Variants in PRELID2 observed in about 807,000 individuals in gnomAD.
PRELID2 encodes PRELI domain-containing protein 2.
In PRELID2, 25 loss-of-function variants were observed where a neutral mutation model predicts 28.4. That is an observed-to-expected ratio of 0.88 (90% CI 0.64 to 1.23). The LOEUF is 1.23. Ranked by LOEUF, PRELID2 falls within the 50% of genes most tolerant of loss-of-function variation. The pLI is 0.00. For synonymous variants in PRELID2, 76 were observed against 71.6 expected (o/e 1.06, Z -0.31); for missense variants, 201 against 214.4 (o/e 0.94, Z 0.39).
intron 1 of PRELID2, among the ~76,000 whole-genome samples, chr5:145,681,213 G>A (rs1259072959): frequency 1.3e-5 from 2 of 152,268 alleles, no homozygotes; most frequent in South Asian, 2.1e-4. Flanking sequence ...AGGCACGAGC[G>A]AAAATGGAAA....
At chr5:145,819,793 G>A (rs1276869060) in intron 3 of PRELID2, 152 bp downstream of exon 3, 9 of 644,088 alleles carry the variant, frequency 1.4e-5, no homozygotes, top group African/African-American at 9.3e-5. Context: ...AGTGAGGTTG[G>A]ATAAGAAAGA....
chr5:145,252,178 A>T, the PRELID2 span, among the ~76,000 whole-genome samples: 4 of 152,112 alleles, frequency 2.6e-5, no homozygotes, highest in Non-Finnish European at 5.9e-5. Flanking sequence ...ATCCTGAATC[A>T]ACCTCTCTAG....
chr5:145,803,004 A>T (rs1188129252), intron 4 of PRELID2, among the ~76,000 whole-genome samples: 1 of 152,142 alleles, frequency 6.6e-6, no homozygotes, highest in Non-Finnish European at 1.5e-5. Flanking sequence ...GGTATGGCAA[A>T]TCTTGCCTAA....
At chr5:145,230,512 G>A in the PRELID2 span, among the ~76,000 whole-genome samples, 16 of 152,172 alleles carry the variant, frequency 1.1e-4, no homozygotes, top group East Asian at 3.1e-3. Flanking sequence ...CTGGGAGGTG[G>A]AGGTTGCAGT....
the PRELID2 span, among the ~76,000 whole-genome samples, chr5:145,374,521 T>C: frequency 2.0e-5 from 3 of 152,274 alleles, 1 homozygote; most frequent in Admixed American, 2.0e-4. Context: ...ATTTTCAGGT[T>C]GGCTTGTCTT....
chr5:145,242,779 A>G, the PRELID2 span, among the ~76,000 whole-genome samples: 2 of 152,058 alleles, frequency 1.3e-5, no homozygotes, highest in Non-Finnish European at 1.5e-5. Flanking sequence ...CAGAAATGTA[A>G]AATGTTTATC....
the PRELID2 span, among the ~76,000 whole-genome samples, chr5:145,401,083 C>T: frequency 3.3e-5 from 5 of 152,096 alleles, 1 homozygote; most frequent in Admixed American, 2.6e-4. Context: ...CATCCCCAGA[C>T]AGAAGCCCTA....
At chr5:145,499,887 A>C (rs903149725) in intron 1 of PRELID2, among the ~76,000 whole-genome samples, 2 of 152,222 alleles carry the variant, frequency 1.3e-5, no homozygotes, top group Admixed American at 6.5e-5. Flanking sequence ...TTACTCCACA[A>C]ACAAATGTGA....
chr5:145,328,651 G>A, the PRELID2 span, among the ~76,000 whole-genome samples: 44 of 150,322 alleles, frequency 2.9e-4, 1 homozygote, highest in Middle Eastern at 3.4e-3. Flanking sequence ...GTAAATTTAA[G>A]TTCCTTGTAG....
At chr5:145,688,318 G>A (rs767294115) in intron 1 of PRELID2, among the ~76,000 whole-genome samples, 15 of 152,072 alleles carry the variant, frequency 9.9e-5, no homozygotes, top group Non-Finnish European at 1.3e-4. Context: ...TAAAACCCTC[G>A]GTAGTCACTT....
intron 1 of PRELID2, among the ~76,000 whole-genome samples, chr5:145,660,020 G>T (rs991840895): frequency 1.3e-5 from 2 of 152,130 alleles, no homozygotes; most frequent in Non-Finnish European, 2.9e-5. Flanking sequence ...TTGAGCTACA[G>T]TGTCAAAGGG....
intron 1 of PRELID2, among the ~76,000 whole-genome samples, chr5:145,602,577 A>G (rs1753413020): frequency 6.6e-6 from 1 of 152,158 alleles, no homozygotes; most frequent in Non-Finnish European, 1.5e-5. Context: ...TAAAGGAAAT[A>G]AAAGCCAAGA....
chr5:145,301,029 CT>C, the PRELID2 span, among the ~76,000 whole-genome samples: 115 of 152,144 alleles, frequency 7.6e-4, no homozygotes, highest in African/African-American at 2.4e-3. Context: ...ATTGTGCATA[CT>C]TTTTCCCCCT....
At chr5:145,497,350 C>T (rs865786022) in intron 1 of PRELID2, among the ~76,000 whole-genome samples, 4 of 152,138 alleles carry the variant, frequency 2.6e-5, no homozygotes, top group Non-Finnish European at 4.4e-5. Context: ...GCAAGAACTA[C>T]CACATGTAAC....
intron 1 of PRELID2, among the ~76,000 whole-genome samples, chr5:145,479,807 CA>C (rs1171882742): frequency 1.3e-5 from 2 of 152,056 alleles, no homozygotes; most frequent in Admixed American, 6.6e-5. Context: ...CACTACATGG[CA>C]AGAATGGTTC....
intron 1 of PRELID2, among the ~76,000 whole-genome samples, chr5:145,695,018 G>T (rs561153116): frequency 1.3e-5 from 2 of 152,202 alleles, no homozygotes; most frequent in African/African-American, 2.4e-5. Context: ...TCCTCGGCTG[G>T]TTACTACGGA....
At chr5:145,639,271 T>C (rs977044670) in intron 1 of PRELID2, among the ~76,000 whole-genome samples, 1 of 151,936 alleles carries the variant, frequency 6.6e-6, no homozygotes, top group East Asian at 1.9e-4. Context: ...CATATACAGA[T>C]CATAATAAAG....
intron 1 of PRELID2, among the ~76,000 whole-genome samples, chr5:145,532,371 T>A (rs1393665214): frequency 1.3e-5 from 2 of 152,132 alleles, no homozygotes; most frequent in African/African-American, 4.8e-5. Context: ...TTGTACATAT[T>A]TAGAGTGTAC....
intron 1 of PRELID2, among the ~76,000 whole-genome samples, chr5:145,703,642 A>T (rs1490951549): frequency 1.3e-5 from 2 of 152,240 alleles, no homozygotes; most frequent in Non-Finnish European, 2.9e-5. Flanking sequence ...GCTTAGGTCC[A>T]TTACAGTCTA....
Sources: allele counts gnomAD v4.1 joint callset (sites outside exome capture counted in the v4.1 genomes callset), GRCh38; gene constraint gnomAD v4.1.1; transcripts MANE v1.5; gene names NCBI Gene and HGNC (gene_info 2026-07-23, HGNC 2026-07-21).